Variants in NRP1 observed in about 807,000 individuals in gnomAD.
NRP1 encodes the protein neuropilin-1.
A neutral mutation model predicts 106.7 loss-of-function variants in NRP1; 35 were observed. The observed-to-expected ratio is 0.33, with a 90% CI of 0.25 to 0.43. NRP1 has a LOEUF of 0.43. Among genes scored for constraint, NRP1 ranks in the 20% least tolerant of loss-of-function variants. NRP1 has a pLI of 1.00. For synonymous variants in NRP1, 437 were observed against 417.9 expected (o/e 1.05, Z -0.56); for missense variants, 1,024 against 1,170.4 (o/e 0.87, Z 1.83).
chr10:33,322,870 G>C lies in NRP1; in HGVS notation c.248+7838C>G, dbSNP rs527749879. On this transcript the variant is annotated intron_variant, in intron 2 of 16. Transcript: ENST00000374867. ...CTTGAAGAAAAAATAAGCTGGTAAC[G>C]TTTCATGAGAATTTCCTCATTCAAA... 2.6e-5 allele frequency among the ~76,000 whole-genome samples: 4 copies of C among 152,274 alleles called. No individual in the cohort carries two copies. In the Middle Eastern group the frequency reaches 0.01, roughly 388 times the overall value.
At position 33,203,008 on chromosome 10, in the gene NRP1, C is replaced by T; in HGVS notation, c.1760-13G>A. 6.2e-7 allele frequency: 1 copy of T among 1,604,350 alleles called. No homozygotes were observed. Among genetic ancestry groups the T allele is most frequent in the Non-Finnish European group, 8.5e-7 (1 of 1,174,774 alleles). ...CCAGCTGTAGGGGCTGAAACAAGAT[C>T]CAAGGATTATTATCTCACACCTTGG... is the stretch of plus-strand genomic sequence containing the variant. On this transcript the variant is annotated splice_polypyrimidine_tract_variant and intron_variant, in intron 10 of 16. Coordinates refer to ENST00000374867, the MANE Select transcript of NRP1 (RefSeq NM_003873.7).
At chr10:33,278,682 C>T (rs183620351) in intron 2 of NRP1, among the ~76,000 whole-genome samples, 1 of 152,278 alleles carries the variant, frequency 6.6e-6, no homozygotes, top group African/African-American at 2.4e-5. Flanking sequence ...ATATAGTCCA[C>T]CTAACATCTT....
At chr10:33,262,673 A>G (rs1003118003) in intron 4 of NRP1, among the ~76,000 whole-genome samples, 2 of 145,220 alleles carry the variant, frequency 1.4e-5, no homozygotes, top group South Asian at 2.2e-4. Flanking sequence ...ACTGAACTCC[A>G]GCCTGGGTGA....
intron 2 of NRP1, among the ~76,000 whole-genome samples, chr10:33,304,459 G>T (rs1039239835): frequency 6.6e-6 from 1 of 152,122 alleles, no homozygotes; most frequent in African/African-American, 2.4e-5. Flanking sequence ...TCTTTCAAGG[G>T]TTTTCAAAAA....
At chr10:33,206,322 A>G (rs1261651724) in intron 10 of NRP1, 1 of 518,938 alleles carries the variant, frequency 1.9e-6, no homozygotes, top group African/African-American at 1.9e-5. Flanking sequence ...AAGCCCTGGC[A>G]CATGGACATT....
Position 33,270,865 on chromosome 10 carries a change from C to T in NRP1, c.249-9G>A. The T allele has an allele frequency of 1.3e-6, 2 of 1,578,322 alleles. No homozygotes were observed. The highest frequency in any genetic ancestry group is 8.6e-7 in the Non-Finnish European group (1 of 1,162,958). ...CTTCCACGTAGTCATACCTAATACA[C>T]AAACATGGAAGAAAACATTAGGTTG... On this transcript the variant is annotated splice_polypyrimidine_tract_variant and intron_variant, in intron 2 of 16. Transcript: ENST00000374867.
At chr10:33,318,507 C>T (rs1847199991) in intron 2 of NRP1, among the ~76,000 whole-genome samples, 1 of 152,082 alleles carries the variant, frequency 6.6e-6, no homozygotes, top group Non-Finnish European at 1.5e-5. Flanking sequence ...ATGGTGATGT[C>T]TGGAAGGACT....
chr10:33,225,087 A>T (rs1839555514), intron 7 of NRP1, among the ~76,000 whole-genome samples: 1 of 152,204 alleles, frequency 6.6e-6, no homozygotes. Flanking sequence ...AACTGGTTCC[A>T]TGTCCTCCAG....
intron 14 of NRP1, 84 bp from the exon 15 acceptor site, chr10:33,185,808 C>T (rs61760431): frequency 2.4e-5 from 28 of 1,166,702 alleles, no homozygotes; most frequent in South Asian, 3.9e-5. Flanking sequence ...GCTCCAGCTA[C>T]GGCACATAAA....
intron 10 of NRP1, among the ~76,000 whole-genome samples, chr10:33,203,360 C>T (rs953354806): frequency 6.6e-6 from 1 of 152,136 alleles, no homozygotes. Context: ...AAACGTTTTC[C>T]CTTTCATTTT....
intron 2 of NRP1, among the ~76,000 whole-genome samples, chr10:33,320,689 T>A (rs982423565): frequency 6.6e-6 from 1 of 152,222 alleles, no homozygotes; most frequent in Non-Finnish European, 1.5e-5. Flanking sequence ...TCACCTCAAC[T>A]CTTCATATAC....
chr10:33,202,567 TGG>T, intron 11 of NRP1: 1 of 1,315,298 alleles, frequency 7.6e-7, no homozygotes, highest in Non-Finnish European at 1.0e-6. Flanking sequence ...CACGTGTTAT[TGG>T]GGGGGGGTCT....
chr10:33,299,318 G>A (rs1845636058), intron 2 of NRP1, among the ~76,000 whole-genome samples: 1 of 152,082 alleles, frequency 6.6e-6, no homozygotes, highest in South Asian at 2.1e-4. Flanking sequence ...CAGCACTGCA[G>A]GCTGAGCACA....
At chr10:33,306,046 C>T (rs563886186) in intron 2 of NRP1, among the ~76,000 whole-genome samples, 7 of 152,234 alleles carry the variant, frequency 4.6e-5, no homozygotes, top group South Asian at 4.2e-4. Context: ...GGATTACAGG[C>T]GTGCCACCGT....
chr10:33,186,233 G>A lies in NRP1; in HGVS notation c.2318C>T (p.Ser773Phe). The A allele has an allele frequency of 6.2e-7, 1 of 1,605,576 alleles. No homozygotes were observed. Among genetic ancestry groups the A allele is most frequent in the Non-Finnish European group, 8.5e-7 (1 of 1,174,440 alleles). ...AGGTCATACCTGATAAAGTTTCAGAGACTTGTGGAGCAAGACACGCCCTTC... is the reference window on the plus strand; with the variant it reads ...AGGTCATACCTGATAAAGTTTCAGAAACTTGTGGAGCAAGACACGCCCTTC... ...WKEGRVLLHK[S>F]LKLYQVIFEG... Residue 773 changes from serine to phenylalanine, a missense_variant, in exon 14 of 17, where the codon TCT becomes TTT. This residue lies in a region of NRP1 where 13 missense variants were observed against 34.7 expected (regional missense o/e 0.38). Transcript: ENST00000374867.
intron 8 of NRP1, among the ~76,000 whole-genome samples, chr10:33,215,438 T>G (rs1351941582): frequency 6.6e-6 from 1 of 152,232 alleles, no homozygotes; most frequent in Admixed American, 6.5e-5. Flanking sequence ...GACCTTTTTA[T>G]GTCTTCTAAA....
At chr10:33,303,204 A>G in intron 2 of NRP1, among the ~76,000 whole-genome samples, 1 of 152,214 alleles carries the variant, frequency 6.6e-6, no homozygotes, top group East Asian at 1.9e-4. Context: ...CTGGGTGAGT[A>G]GATCAAAGTG....
intron 2 of NRP1, among the ~76,000 whole-genome samples, chr10:33,290,497 A>G (rs1467974037): frequency 2.0e-5 from 3 of 152,116 alleles, no homozygotes; most frequent in Admixed American, 6.5e-5. Flanking sequence ...CTTGCCTGTC[A>G]GTAACTTACT....
At chr10:33,207,468 A>C in intron 10 of NRP1, 104 bp downstream of exon 10, 1 of 1,309,324 alleles carries the variant, frequency 7.6e-7, no homozygotes, top group South Asian at 1.4e-5. Flanking sequence ...GGGGCCTCCC[A>C]AGGGAAAAGG....
Sources: allele counts gnomAD v4.1 joint callset (sites outside exome capture counted in the v4.1 genomes callset), GRCh38; gene constraint gnomAD v4.1.1; regional missense constraint gnomAD v4.1.1; transcripts MANE v1.5; gene names NCBI Gene and HGNC (gene_info 2026-07-23, HGNC 2026-07-21).